Variants in ABR observed in about 807,000 individuals in gnomAD.
ABR encodes the protein ABR activator of RhoGEF and GTPase, also known as active breakpoint cluster region-related protein.
ABR carries 35 observed loss-of-function variants against 107.2 expected under a neutral mutation model. The ratio of observed to expected loss-of-function variants is 0.33; its 90% CI spans 0.25 to 0.43. ABR has a LOEUF of 0.43. Among genes scored for constraint, ABR ranks in the 20% least tolerant of loss-of-function variants. The pLI is 1.00. For missense variants in ABR, 815 were observed against 1,115.2 expected, an observed-to-expected ratio of 0.73 and a Z score of 3.83; for synonymous variants, 498 against 462.0, an observed-to-expected ratio of 1.08 and a Z score of -1.00.
chr17:1,146,276 C>CACAT (rs1254598606), intron 1 of ABR, among the ~76,000 whole-genome samples: 1 of 144,016 alleles, frequency 6.9e-6, no homozygotes, highest in Non-Finnish European at 1.5e-5. Flanking sequence ...CACACACACA[C>CACAT]ACACACACAC....
intron 1 of ABR, chr17:1,153,947 C>A: frequency 1.2e-5 from 2 of 166,176 alleles, no homozygotes; most frequent in Non-Finnish European, 2.6e-5. Flanking sequence ...GGCTCCCGCT[C>A]CAGCCTGCCA....
At chr17:1,031,470 C>T in intron 16 of ABR, 1 of 630,260 alleles carries the variant, frequency 1.6e-6, no homozygotes, top group Non-Finnish European at 2.3e-6. Context: ...CAGACCCCAG[C>T]TCTGTCCCGG....
At chr17:1,220,879 GA>G (rs2043108293) in intron 1 of ABR, among the ~76,000 whole-genome samples, 1 of 152,148 alleles carries the variant, frequency 6.6e-6, no homozygotes, top group Admixed American at 6.6e-5. Flanking sequence ...TTGTGGGAGA[GA>G]AAAGGGGTCT....
intron 1 of ABR, among the ~76,000 whole-genome samples, chr17:1,206,234 G>C (rs1417972539): frequency 6.6e-6 from 1 of 152,200 alleles, no homozygotes; most frequent in Non-Finnish European, 1.5e-5. Flanking sequence ...TCACTGTGAT[G>C]GGTTAGACAC....
chr17:1,193,588 C>T (rs575953002), intron 1 of ABR, among the ~76,000 whole-genome samples: 2 of 126,948 alleles, frequency 1.6e-5, no homozygotes, highest in Admixed American at 7.6e-5. Context: ...GACCAGATGC[C>T]GCCCGACATT....
rs549162416 is a variant in ABR at position 1,070,582 on chromosome 17, C to T, written c.895-492G>A. On this transcript the variant is annotated intron_variant, in intron 8 of 22. Transcript: ENST00000302538. This position sits in a 1 kb window ranked among gnomAD's most constrained non-coding sequence, Gnocchi z 4.2. The stretch of plus-strand genomic sequence containing the variant: ...CCCGGCTCAACCGAGACCCGAGACC[C>T]GAGACCCACTCAGGCCTGTCTGTGC... Among the ~76,000 whole-genome samples, 40 of 152,222 alleles carry T rather than the reference C, an allele frequency of 2.6e-4. No homozygotes were observed. In the South Asian group the frequency reaches 6.4e-3, roughly 25 times the overall value.
At chr17:1,017,202 A>AG (rs2071230750) in intron 16 of ABR, among the ~76,000 whole-genome samples, 1 of 152,204 alleles carries the variant, frequency 6.6e-6, no homozygotes, top group Non-Finnish European at 1.5e-5. Flanking sequence ...GGGGTCCTAC[A>AG]GGGTCTCAAA....
chr17:1,193,852 A>G (rs1364436663), intron 1 of ABR, among the ~76,000 whole-genome samples: 1 of 151,820 alleles, frequency 6.6e-6, no homozygotes, highest in Non-Finnish European at 1.5e-5. Context: ...CACCACGCCC[A>G]GCTAATTTTT....
In ABR at chr17:1,221,698, A is replaced by G. The variant is rs1057014974; in HGVS notation, c.838+7095T>C. ...CGGGAGGGCTCTTCAAACGCCAGAA[A>G]GGGCACGGGAAAAGACGCCGGATGG... On this transcript the variant is annotated intron_variant, in intron 1 of 22. Transcript: ENST00000574139. Among the ~76,000 whole-genome samples the G allele has an allele frequency of 5.9e-5, 9 of 152,306 alleles. No individual in the cohort carries two copies. In the South Asian group the frequency reaches 1.5e-3, roughly 25 times the overall value.
chr17:1,159,390 A>ACG (rs1226158784), intron 1 of ABR, among the ~76,000 whole-genome samples: 1 of 104,420 alleles, frequency 9.6e-6, no homozygotes, highest in Non-Finnish European at 2.2e-5. Context: ...TGCGGTACTC[A>ACG]CACACGGGAG....
At chr17:1,221,750 G>A (rs772572327) in intron 1 of ABR, among the ~76,000 whole-genome samples, 3 of 152,144 alleles carry the variant, frequency 2.0e-5, no homozygotes, top group African/African-American at 4.8e-5. Flanking sequence ...AAGGATCTGC[G>A]TAGAAAACAG....
intron 9 of ABR, among the ~76,000 whole-genome samples, chr17:1,068,262 T>C (rs1475763720): frequency 6.6e-6 from 1 of 152,230 alleles, no homozygotes; most frequent in Non-Finnish European, 1.5e-5. Context: ...TTCATAATCA[T>C]CGATCCTTCC....
chr17:1,064,943 G>A (rs1235351882), intron 10 of ABR, among the ~76,000 whole-genome samples: 6 of 106,854 alleles, frequency 5.6e-5, no homozygotes, highest in Non-Finnish European at 1.2e-4. Context: ...GTGAACTGAG[G>A]GCTATGCATG....
intron 16 of ABR, among the ~76,000 whole-genome samples, chr17:1,038,700 G>A (rs1429732683): frequency 6.6e-6 from 1 of 152,250 alleles, no homozygotes; most frequent in Non-Finnish European, 1.5e-5. Context: ...AGGGGCTGCT[G>A]TGAGTCTGCG....
chr17:1,219,215 G>T (rs959573772), intron 1 of ABR, among the ~76,000 whole-genome samples: 1 of 151,336 alleles, frequency 6.6e-6, no homozygotes, highest in African/African-American at 2.4e-5. Context: ...GATAATTTTT[G>T]TTTTTTTTAG....
At chr17:1,169,785 T>C (rs2041640050) in intron 1 of ABR, among the ~76,000 whole-genome samples, 1 of 152,092 alleles carries the variant, frequency 6.6e-6, no homozygotes, top group Admixed American at 6.5e-5. Context: ...CTCTCTTTAT[T>C]TTCCTTTTGA....
At chr17:1,061,152 C>T (rs990693078) in intron 10 of ABR, among the ~76,000 whole-genome samples, 1 of 152,142 alleles carries the variant, frequency 6.6e-6, no homozygotes, top group Admixed American at 6.5e-5. Context: ...ATGAGGCACC[C>T]GGCACACCCC....
chr17:1,172,224 G>A (rs1042391064), intron 1 of ABR, among the ~76,000 whole-genome samples: 16 of 152,230 alleles, frequency 1.1e-4, no homozygotes, highest in Non-Finnish European at 2.2e-4. Context: ...AGATGGTCCC[G>A]CCTCAAAGGG....
intron 10 of ABR, among the ~76,000 whole-genome samples, chr17:1,065,300 C>G (rs371786934): frequency 3.7e-5 from 1 of 26,818 alleles, no homozygotes; most frequent in Admixed American, 3.7e-4. Context: ...TATGCATGTT[C>G]CTCTAGACAC....
Sources: allele counts gnomAD v4.1 joint callset (sites outside exome capture counted in the v4.1 genomes callset), GRCh38; gene constraint gnomAD v4.1.1; non-coding constraint Gnocchi (gnomAD v3.1); transcripts MANE v1.5; gene names NCBI Gene and HGNC (gene_info 2026-07-23, HGNC 2026-07-21).